Variants in USP42 observed in about 807,000 individuals in gnomAD.
USP42 encodes the protein ubiquitin carboxyl-terminal hydrolase 42.
USP42 carries 23 observed loss-of-function variants against 113.0 expected under a neutral mutation model. That is an observed-to-expected ratio of 0.20 (90% confidence interval 0.15 to 0.29). USP42 has a LOEUF of 0.29. Among genes scored for constraint, USP42 ranks in the 10% least tolerant of loss-of-function variants. The pLI is 1.00. For missense variants in USP42, 2,174 were observed against 1,779.8 expected (o/e 1.22, Z -3.99); for synonymous variants, 933 against 699.0 (o/e 1.33, Z -5.28).
chr7:6,152,176 C>T (rs993648829), intron 14 of USP42, among the ~76,000 whole-genome samples: 10 of 152,218 alleles, frequency 6.6e-5, no homozygotes, highest in Non-Finnish European at 1.0e-4. Context: ...GCTGTGCAGG[C>T]GGTGCTTGCA....
chr7:6,141,449 A>G (rs1326507472), intron 7 of USP42, among the ~76,000 whole-genome samples: 1 of 151,250 alleles, frequency 6.6e-6, no homozygotes, highest in East Asian at 1.9e-4. Context: ...TGATCTGCCC[A>G]CCTCCCAAAG....
At position 6,114,185 on chromosome 7, in the gene USP42, G is replaced by A. The variant is rs80094758; in HGVS notation, c.242-1138G>A. On this transcript the variant is annotated intron_variant, in intron 2 of 17. Transcript: ENST00000306177. ...TAGTGGTAAAATGGGAATGACATCAGCACCAGCCATTAGAATTGCAGCCAT... is the reference window on the plus strand; with the variant it reads ...TAGTGGTAAAATGGGAATGACATCAACACCAGCCATTAGAATTGCAGCCAT... 3.8e-3 allele frequency among the ~76,000 whole-genome samples: 573 copies of A among 152,184 alleles called. 2 individuals are homozygous for A. Among genetic ancestry groups the A allele is most frequent in the African/African-American group, 0.013 (543 of 41,510 alleles).
chr7:6,152,989 G>T (rs796613341), intron 14 of USP42: 1 of 984,852 alleles, frequency 1.0e-6, no homozygotes, highest in Admixed American at 6.1e-5. Flanking sequence ...GAGGAATTGC[G>T]GCCAGGCGCG....
Position 6,158,401 on chromosome 7 carries a change from CG to C in USP42, c.3944-1048del, listed in dbSNP as rs1323092212. Among the ~76,000 whole-genome samples the C allele has an allele frequency of 2.6e-5, 4 of 152,202 alleles. No individual in the cohort carries two copies. The highest frequency in any genetic ancestry group is 9.6e-5 in the African/African-American group (4 of 41,458). On this transcript the variant is annotated intron_variant, in intron 16 of 17. Coordinates refer to ENST00000306177, the MANE Select transcript of USP42 (RefSeq NM_032172.3). The surrounding 1 kb of genome is among the most constrained non-coding windows in gnomAD (Gnocchi z 4.2). ...ATCCCCTCCTCCCAGGGGCTTTTGA[CG>C]AATCTTCAGGGCTGCCCTGAGGCCT...
intron 4 of USP42, 134 bp from the exon 5 acceptor site, chr7:6,138,958 T>C (rs1466166087): frequency 3.4e-6 from 2 of 593,084 alleles, no homozygotes; most frequent in Non-Finnish European, 5.8e-6. Flanking sequence ...TGGCTTATGT[T>C]AGTGCTATTT....
intron 2 of USP42, among the ~76,000 whole-genome samples, chr7:6,112,434 A>G (rs554129454): frequency 6.6e-6 from 1 of 152,236 alleles, no homozygotes; most frequent in African/African-American, 2.4e-5. Flanking sequence ...TGGGCAACAG[A>G]GTGAGACTCT....
chr7:6,142,279 C>T (rs1419171968), intron 7 of USP42, among the ~76,000 whole-genome samples: 1 of 149,956 alleles, frequency 6.7e-6, no homozygotes, highest in Non-Finnish European at 1.5e-5. Flanking sequence ...TGCAGTGGCT[C>T]GATCTCGGCT....
rs771585747 is a variant in USP42 at position 6,140,994 on chromosome 7, A to G, written c.795+10A>G. On this transcript the variant is annotated intron_variant, in intron 7 of 17. Coordinates refer to ENST00000306177, the MANE Select transcript of USP42 (RefSeq NM_032172.3). ...AACATTGGAGATAAAGGTAAATTTC[A>G]TAATTATGGGAGTAATTACATTTTT... The G allele has an allele frequency of 6.1e-5, 84 of 1,385,896 alleles. No homozygotes were observed. Among genetic ancestry groups the G allele is most frequent in the Non-Finnish European group, 1.5e-5 (15 of 998,060 alleles). The allele number at this position is 1,385,896 out of a possible 1,614,324, so 85.8% of individuals were successfully genotyped here. A position where few individuals can be genotyped will look rare whatever the true frequency, so the allele number is the denominator to read the frequency against.
At chr7:6,112,900 C>CTTTTTT (rs34002709) in intron 2 of USP42, among the ~76,000 whole-genome samples, 5 of 102,732 alleles carry the variant, frequency 4.9e-5, no homozygotes, top group South Asian at 3.2e-4. Context: ...TAGTAAGTTT[C>CTTTTTT]TTTTTTTTTT....
At chr7:6,144,309 T>C in intron 9 of USP42, 113 bp downstream of exon 9, 1 of 665,770 alleles carries the variant, frequency 1.5e-6, no homozygotes, top group Non-Finnish European at 2.5e-6. Flanking sequence ...TTGCTAACTA[T>C]TACCTACATT....
At chr7:6,113,092 A>T (rs1183218452) in intron 2 of USP42, among the ~76,000 whole-genome samples, 5 of 151,266 alleles carry the variant, frequency 3.3e-5, no homozygotes, top group African/African-American at 9.7e-5. Context: ...TTTAGTAGAG[A>T]CGGGGTTTCA....
rs952109292 is a variant in USP42, at chr7:6,120,590, A to G, written c.442+5067A>G. 3.9e-5 allele frequency among the ~76,000 whole-genome samples: 6 copies of G among 152,042 alleles called. No individual in the cohort carries two copies. In the East Asian group the frequency reaches 9.8e-4, roughly 25 times the overall value. Reference sequence around the variant, plus strand: ...GTTGGGATTTCAGGCATGAGCCACTATGCCTGGCCTAGGCCATCTTTAGTT... The same window carrying G: ...GTTGGGATTTCAGGCATGAGCCACTGTGCCTGGCCTAGGCCATCTTTAGTT... On this transcript the variant is annotated intron_variant, in intron 3 of 17. Transcript: ENST00000306177.
chr7:6,111,192 C>T lies in USP42; in HGVS notation c.59C>T (p.Pro20Leu). 3 of 1,612,526 alleles carry T rather than the reference C, an allele frequency of 1.9e-6. No homozygotes were observed. Among genetic ancestry groups the T allele is most frequent in the Non-Finnish European group, 2.5e-6 (3 of 1,179,158 alleles). Reference protein sequence around the residue: ...SSDPSAYQNQPGSSEAVSPGD... With the variant: ...SSDPSAYQNQLGSSEAVSPGD... Reference sequence around the variant, plus strand: ...GACCCATCAGCCTATCAGAATCAGCCTGGCAGCTCCGAGGCAGTCTCACCT... The same window carrying T: ...GACCCATCAGCCTATCAGAATCAGCTTGGCAGCTCCGAGGCAGTCTCACCT... The change falls in exon 2 of 18, where the codon CCT (proline) becomes CTT (leucine). Residue 20 changes from proline (P) to leucine (L), a missense_variant. By Grantham distance (98) the Pro-to-Leu change is moderately conservative. Transcript: ENST00000306177.
the USP42 span, among the ~76,000 whole-genome samples, chr7:6,086,423 T>C: frequency 6.6e-6 from 1 of 150,710 alleles, no homozygotes; most frequent in Non-Finnish European, 1.5e-5. Flanking sequence ...GCCAGGATGG[T>C]CTCGATCTCC....
At chr7:6,091,993 CTTCTT>C in the USP42 span, among the ~76,000 whole-genome samples, 1 of 65,324 alleles carries the variant, frequency 1.5e-5, no homozygotes, top group Non-Finnish European at 3.7e-5. Context: ...TCTTCTTCTT[CTTCTT>C]CTTCTTCTTC....
chr7:6,108,745 C>G (rs1397077427), intron 1 of USP42, among the ~76,000 whole-genome samples: 1 of 152,168 alleles, frequency 6.6e-6, no homozygotes, highest in Non-Finnish European at 1.5e-5. Flanking sequence ...TCCCAAAGTG[C>G]TGGGATTACA....
In USP42 at chr7:6,115,505, C is replaced by T. The variant is rs1352386655; in HGVS notation, c.424C>T (p.His142Tyr). The change falls in exon 3 of 18, where the codon CAT becomes TAT. Residue 142 changes from histidine (H) to tyrosine (Y), a missense_variant. His to Tyr is a moderately conservative substitution (Grantham distance 83). Coordinates refer to ENST00000306177, the MANE Select transcript of USP42 (RefSeq NM_032172.3). ...ACCTCTTGCCAATTACATGCTATCA[C>T]ATGAACACTCCAAAACATGTAAGTG... is the stretch of plus-strand genomic sequence containing the variant. ...TPPLANYMLS[H>Y]EHSKTCHAEG... 4 of 1,613,938 alleles carry T rather than the reference C, an allele frequency of 2.5e-6. No homozygotes were observed. The highest frequency in any genetic ancestry group is 1.1e-5 in the South Asian group (1 of 91,088).
At position 6,149,810 on chromosome 7, in the gene USP42, A is replaced by G. The variant is rs760402943; in HGVS notation, c.1614A>G (p.Gln538=). 10 of 1,613,856 alleles carry G rather than the reference A, an allele frequency of 6.2e-6. No individual in the cohort carries two copies. The East Asian group carries it at 1.6e-4, about 25-fold the overall frequency. The part of the protein sequence containing the change: ...NKLPVRQCQS[Q]PNLHSNSLEN... ...TGCCTGTTCGCCAGTGTCAGTCTCA[A>G]CCTAACCTTCATAGTAATTCTTTGG... is the stretch of plus-strand genomic sequence containing the variant. Residue 538 remains glutamine, a synonymous_variant, in exon 13 of 18, where the codon CAA becomes CAG. Coordinates refer to ENST00000306177, the MANE Select transcript of USP42 (RefSeq NM_032172.3).
chr7:6,144,151 T>C lies in USP42; in HGVS notation c.945T>C (p.Leu315=). Residue 315 remains leucine, a synonymous_variant, in exon 9 of 18, where the codon CTT becomes CTC. Coordinates refer to ENST00000306177, the MANE Select transcript of USP42 (RefSeq NM_032172.3). ...TIHRSSNVLT[L]SLKRFANFTG... is the part of the protein sequence containing the mutation. ...ATAGATCCTCTAATGTTCTTACACT[T>C]TCTCTGAAACGTTTTGCAAATTTTA... The C allele has an allele frequency of 1.3e-6, 2 of 1,596,492 alleles. No individual in the cohort carries two copies. Among genetic ancestry groups the C allele is most frequent in the Non-Finnish European group, 1.7e-6 (2 of 1,174,736 alleles).
Sources: allele counts gnomAD v4.1 joint callset (sites outside exome capture counted in the v4.1 genomes callset), GRCh38; gene constraint gnomAD v4.1.1; non-coding constraint Gnocchi (gnomAD v3.1); transcripts MANE v1.5; gene names NCBI Gene and HGNC (gene_info 2026-07-23, HGNC 2026-07-21).